Variants in NUBPL observed in about 807,000 individuals in gnomAD.
The protein encoded by NUBPL is iron-sulfur cluster transfer protein NUBPL.
NUBPL carries 31 observed loss-of-function variants against 45.7 expected under a neutral mutation model. The observed-to-expected ratio is 0.68, with a 90% CI of 0.51 to 0.92. NUBPL has a LOEUF of 0.92. Among genes scored for constraint, NUBPL ranks in the 40% least tolerant of loss-of-function variants. The pLI is 0.00. For synonymous variants in NUBPL, 144 were observed against 140.9 expected (o/e 1.02, Z -0.15); for missense variants, 401 against 398.7 (o/e 1.01, Z -0.05).
intron 6 of NUBPL, among the ~76,000 whole-genome samples, chr14:31,763,656 A>C (rs1260075012): frequency 6.6e-6 from 1 of 152,180 alleles, no homozygotes; most frequent in Non-Finnish European, 1.5e-5. Flanking sequence ...AATTACTGAG[A>C]GTATGTCTTG....
At chr14:31,826,858 A>C in intron 8 of NUBPL, 144 bp downstream of exon 8, 1 of 689,490 alleles carries the variant, frequency 1.5e-6, no homozygotes, top group Non-Finnish European at 2.5e-6. Flanking sequence ...GGTGACTTTA[A>C]AAACACACTT....
At chr14:31,715,579 TA>T (rs1371995780) in intron 6 of NUBPL, among the ~76,000 whole-genome samples, 5 of 152,218 alleles carry the variant, frequency 3.3e-5, no homozygotes, top group African/African-American at 1.2e-4. Context: ...AATATTTGTG[TA>T]TCTGAACATA....
At position 31,666,263 on chromosome 14, in the gene NUBPL, A is replaced by ATATTTATT; in HGVS notation, c.383-7092_383-7091insTATTTATT. On this transcript the variant is annotated intron_variant, in intron 4 of 10. Transcript: ENST00000281081. ...TATATATATATATATATATATATAT[A>ATATTTATT]ATTTTATTTTATTTTTTTTGAGACG... 2.8e-3 allele frequency among the ~76,000 whole-genome samples: 312 copies of ATATTTATT among 111,808 alleles called. 29 individuals carry two copies. Among genetic ancestry groups the ATATTTATT allele is most frequent in the East Asian group, 5.0e-3 (15 of 2,974 alleles). 73.4% of individuals were successfully genotyped at this position (111,808 alleles called of 152,430 possible).
intron 4 of NUBPL, chr14:31,668,118 C>T (rs759786860): frequency 3.3e-5 from 5 of 152,384 alleles, no homozygotes; most frequent in African/African-American, 4.8e-5. Flanking sequence ...TCTTCAGAGT[C>T]GGCAGGCAGG....
intron 4 of NUBPL, among the ~76,000 whole-genome samples, chr14:31,650,094 G>A (rs1282425391): frequency 2.0e-5 from 3 of 151,856 alleles, no homozygotes; most frequent in African/African-American, 4.8e-5. Context: ...CCCGACCTCA[G>A]GTGATCTGCC....
At chr14:31,623,652 T>C (rs1004312739) in intron 4 of NUBPL, among the ~76,000 whole-genome samples, 1 of 152,202 alleles carries the variant, frequency 6.6e-6, no homozygotes, top group African/African-American at 2.4e-5. Flanking sequence ...GATTGTAAGT[T>C]TCCTGAGGCC....
chr14:31,577,900 C>G, intron 3 of NUBPL: 9 of 1,204,938 alleles, frequency 7.5e-6, no homozygotes, highest in Non-Finnish European at 9.8e-6. Context: ...AATGTCATTT[C>G]CTCCTCTATT....
intron 4 of NUBPL, among the ~76,000 whole-genome samples, chr14:31,624,245 C>G (rs1392724165): frequency 6.6e-6 from 1 of 152,088 alleles, no homozygotes. Context: ...CCTTGATTTT[C>G]TGAGTTGGAT....
rs11435588 is a variant in NUBPL, at chr14:31,607,382, CA to C, written c.382+8014del. The stretch of plus-strand genomic sequence containing the variant: ...TGGGTGACAGAGTGAGACTTTGTCT[CA>C]AAAAAAAAAACAACAAAAAAACACC... On this transcript the variant is annotated intron_variant, in intron 4 of 10. Transcript: ENST00000281081. 2.4e-3 allele frequency among the ~76,000 whole-genome samples: 338 copies of C among 138,138 alleles called. 3 individuals carry two copies. The highest frequency in any genetic ancestry group is 8.6e-3 in the African/African-American group (313 of 36,240). The allele number at this position is 138,138 out of a possible 152,430, so 90.6% of individuals were successfully genotyped here. A position where few individuals can be genotyped will look rare whatever the true frequency, so the allele number is the denominator to read the frequency against.
intron 3 of NUBPL, among the ~76,000 whole-genome samples, chr14:31,597,339 T>C (rs555034928): frequency 1.3e-5 from 2 of 152,294 alleles, no homozygotes; most frequent in African/African-American, 4.8e-5. Context: ...CATCTAGGCA[T>C]ATGTAAAATC....
chr14:31,704,698 C>G (rs2037409029), intron 6 of NUBPL, among the ~76,000 whole-genome samples: 1 of 152,060 alleles, frequency 6.6e-6, no homozygotes, highest in African/African-American at 2.4e-5. Context: ...CTCTCATTCT[C>G]TTCTTTGTTC....
At chr14:31,775,539 C>A (rs1192582965) in intron 6 of NUBPL, among the ~76,000 whole-genome samples, 1 of 152,228 alleles carries the variant, frequency 6.6e-6, no homozygotes, top group African/African-American at 2.4e-5. Context: ...CCTCTCTTGG[C>A]TGACTCAAGT....
intron 6 of NUBPL, among the ~76,000 whole-genome samples, chr14:31,703,757 A>T (rs1217013174): frequency 6.6e-6 from 1 of 152,226 alleles, no homozygotes; most frequent in Non-Finnish European, 1.5e-5. Flanking sequence ...TTGGGCGGGG[A>T]CACAGAGCCA....
chr14:31,738,234 A>G (rs1394505974), intron 6 of NUBPL, among the ~76,000 whole-genome samples: 1 of 152,194 alleles, frequency 6.6e-6, no homozygotes, highest in Non-Finnish European at 1.5e-5. Context: ...TCTGGAAATT[A>G]CTCAGGAAAG....
chr14:31,840,586 A>AAG (rs1566592829), intron 8 of NUBPL, among the ~76,000 whole-genome samples: 3 of 119,738 alleles, frequency 2.5e-5, no homozygotes, highest in Non-Finnish European at 1.9e-5. Flanking sequence ...AAAAAAAAAA[A>AAG]AAAAGAAAAA....
intron 7 of NUBPL, among the ~76,000 whole-genome samples, chr14:31,812,985 T>C (rs1455300088): frequency 2.1e-4 from 1 of 4,768 alleles, no homozygotes; most frequent in Non-Finnish European, 4.3e-4. Context: ...TGTTAGTTCT[T>C]TTTTTTTTTT....
intron 4 of NUBPL, among the ~76,000 whole-genome samples, chr14:31,621,960 A>G (rs1311604086): frequency 1.3e-5 from 2 of 152,154 alleles, no homozygotes; most frequent in Non-Finnish European, 2.9e-5. Context: ...AGATATGGGA[A>G]AGTTTAGAAC....
chr14:31,727,840 T>G (rs536041623), intron 6 of NUBPL, among the ~76,000 whole-genome samples: 2 of 152,230 alleles, frequency 1.3e-5, no homozygotes, highest in Non-Finnish European at 2.9e-5. Context: ...ACATCACACT[T>G]TGTTTGTAAC....
At chr14:31,708,924 G>A (rs1439657426) in intron 6 of NUBPL, among the ~76,000 whole-genome samples, 4 of 152,126 alleles carry the variant, frequency 2.6e-5, no homozygotes, top group African/African-American at 9.7e-5. Flanking sequence ...TTTTTAAAGT[G>A]TCCTAGTAAA....
Sources: gnomAD v4.1 joint callset for allele counts (sites outside exome capture counted in the v4.1 genomes callset) on GRCh38, gnomAD v4.1.1 for gene constraint, MANE v1.5 for transcripts, NCBI Gene and HGNC (gene_info 2026-07-23, HGNC 2026-07-21) for gene names.